Variants in GCGR observed in about 807,000 individuals in gnomAD.
GCGR encodes the protein glucagon receptor.
GCGR carries 41 observed loss-of-function variants against 56.1 expected under a neutral mutation model. The ratio of observed to expected loss-of-function variants is 0.73; its 90% CI spans 0.57 to 0.95. The LOEUF (loss-of-function observed/expected upper bound fraction) is 0.95. GCGR is among the 40% of genes least tolerant of loss of function. The pLI, the probability that GCGR is intolerant of heterozygous loss-of-function variation, is 0.00. For missense variants in GCGR, 595 were observed against 638.2 expected, an observed-to-expected ratio of 0.93 and a Z score of 0.73; for synonymous variants, 278 against 271.1, an observed-to-expected ratio of 1.03 and a Z score of -0.25.
Position 81,813,033 on chromosome 17 carries a change from C to T in GCGR, c.1194C>T (p.Val398=), listed in dbSNP as rs2038136769. The change falls in exon 13 of 14, where the codon GTC becomes GTT. Residue 398 remains valine, a synonymous_variant. Transcript: ENST00000400723. This position sits in a 1 kb window ranked among gnomAD's most constrained non-coding sequence, Gnocchi z 5.3. The part of the protein sequence containing the change: ...LSSFQGLLVA[V]LYCFLNKEVQ... ...CTCTCCAGGGCCTGCTGGTGGCTGT[C>T]CTCTACTGCTTCCTCAACAAGGAGG... 1.3e-6 allele frequency: 2 copies of T among 1,536,412 alleles called. No individual in the cohort carries two copies. Among genetic ancestry groups the T allele is most frequent in the Middle Eastern group, 1.7e-4 (1 of 5,806 alleles).
In GCGR at chr17:81,811,699, G is replaced by A. The variant is rs781413720; in HGVS notation, c.706G>A (p.Val236Met). 107 of 1,542,836 alleles carry A rather than the reference G, an allele frequency of 6.9e-5. No homozygotes were observed. Among genetic ancestry groups the A allele is most frequent in the Admixed American group, 3.7e-4 (19 of 51,556 alleles). Reference sequence around the variant, plus strand: ...CGCGGTGTTCATGCAATATGGCATCGTGGCCAACTACTGCTGGCTGCTGGT... The same window carrying A: ...CGCGGTGTTCATGCAATATGGCATCATGGCCAACTACTGCTGGCTGCTGGT... ...VAAVFMQYGI[V>M]ANYCWLLVEG... The change falls in exon 8 of 14, where the codon GTG (valine) becomes ATG (methionine). Residue 236 changes from valine to methionine, a missense_variant. By Grantham distance (21) the Val-to-Met change is conservative (BLOSUM62 1). Coordinates refer to ENST00000400723, the MANE Select transcript of GCGR (RefSeq NM_000160.5). The surrounding 1 kb of genome is among the most constrained non-coding windows in gnomAD (Gnocchi z 5.8).
In GCGR at chr17:81,806,454, G is replaced by C. The variant is rs1156986627; in HGVS notation, c.-178+2205G>C. 6.6e-6 allele frequency among the ~76,000 whole-genome samples: 1 copy of C among 152,178 alleles called. No individual in the cohort carries two copies. The highest frequency in any genetic ancestry group is 6.5e-5 in the Admixed American group (1 of 15,280). On this transcript the variant is annotated intron_variant, in intron 1 of 13. Coordinates refer to ENST00000400723, the MANE Select transcript of GCGR (RefSeq NM_000160.5). This position sits in a 1 kb window ranked among gnomAD's most constrained non-coding sequence, Gnocchi z 6.5. ...TTCCCAACCTTCTGTTGAGGCTGAG[G>C]GGACACAGAGCCCCACTCCTGGGTC...
Position 81,806,753 on chromosome 17 carries a change from C to T in GCGR, c.-177-2089C>T, listed in dbSNP as rs2037973273. On this transcript the variant is annotated intron_variant, in intron 1 of 13. Coordinates refer to ENST00000400723, the MANE Select transcript of GCGR (RefSeq NM_000160.5). The surrounding 1 kb of genome is among the most constrained non-coding windows in gnomAD (Gnocchi z 6.5). Reference sequence around the variant, plus strand: ...GTCATTTTGCCCAGGGAGCTCCTGGCTGGGTGGTCCTCCCCCCAGGGTGAG... The same window carrying T: ...GTCATTTTGCCCAGGGAGCTCCTGGTTGGGTGGTCCTCCCCCCAGGGTGAG... Among the ~76,000 whole-genome samples, 1 of 150,976 alleles carries T rather than the reference C, an allele frequency of 6.6e-6. No homozygotes were observed. The highest frequency in any genetic ancestry group is 2.1e-4 in the South Asian group (1 of 4,752).
chr17:81,813,986 A>C lies in GCGR; in HGVS notation c.*297A>C. ...CCCATGTGCATGGAAATGTCCTCCA[A>C]CAATAAAGAGCTCAAGTGGTCACCG... On this transcript the variant is annotated 3_prime_UTR_variant, in exon 14 of 14. Coordinates refer to ENST00000400723, the MANE Select transcript of GCGR (RefSeq NM_000160.5). The surrounding 1 kb of genome is among the most constrained non-coding windows in gnomAD (Gnocchi z 5.3). 2.2e-6 allele frequency: 1 copy of C among 446,144 alleles called. No homozygotes were observed. The highest frequency in any genetic ancestry group is 4.1e-6 in the Non-Finnish European group (1 of 244,540). The allele number at this position is 446,144 out of a possible 1,614,324, so 27.6% of individuals were successfully genotyped here. A position where few individuals can be genotyped will look rare whatever the true frequency, so the allele number is the denominator to read the frequency against.
At chr17:81,807,575 C>T (rs1296244401) in intron 1 of GCGR, among the ~76,000 whole-genome samples, 2 of 152,216 alleles carry the variant, frequency 1.3e-5, no homozygotes, top group East Asian at 1.9e-4. Flanking sequence ...CATCTCCTTG[C>T]CCCTCTCCCC....
chr17:81,806,473 C>G lies in GCGR; in HGVS notation c.-178+2224C>G, dbSNP rs2037967720. Among the ~76,000 whole-genome samples the G allele has an allele frequency of 6.6e-6, 1 of 152,174 alleles. No homozygotes were observed. Among genetic ancestry groups the G allele is most frequent in the African/African-American group, 2.4e-5 (1 of 41,430 alleles). ...GCTGAGGGGACACAGAGCCCCACTC[C>G]TGGGTCCTGACTGTTTCAAAGAAAG... On this transcript the variant is annotated intron_variant, in intron 1 of 13. Coordinates refer to ENST00000400723, the MANE Select transcript of GCGR (RefSeq NM_000160.5). The surrounding 1 kb of genome is among the most constrained non-coding windows in gnomAD (Gnocchi z 6.5).
Position 81,810,465 on chromosome 17 carries a change from C to T in GCGR, c.164-360C>T. 1 of 393,248 alleles carries T rather than the reference C, an allele frequency of 2.5e-6. No homozygotes were observed. The highest frequency in any genetic ancestry group is 5.4e-5 in the East Asian group (1 of 18,518). The allele number at this position is 393,248 out of a possible 1,614,324, so 24.4% of individuals were successfully genotyped here. On this transcript the variant is annotated intron_variant, in intron 3 of 13. Coordinates refer to ENST00000400723, the MANE Select transcript of GCGR (RefSeq NM_000160.5). The surrounding 1 kb of genome is among the most constrained non-coding windows in gnomAD (Gnocchi z 4.6). ...GAAGGATGAAAATGGCATTGGGGTT[C>T]AGCCCCCAGAGAGGGAGGTGCTGAG...
chr17:81,805,815 C>G (rs1011130834), intron 1 of GCGR, among the ~76,000 whole-genome samples: 5 of 152,164 alleles, frequency 3.3e-5, no homozygotes, highest in African/African-American at 1.2e-4. Flanking sequence ...TCCCACCTAC[C>G]AGCTGTGTCG....
At chr17:81,805,597 GCATTGGGCACCTCGGGAACCCTCC>G (rs1568247194) in intron 1 of GCGR, among the ~76,000 whole-genome samples, 1,187 of 116,916 alleles carry the variant, frequency 0.01, 25 homozygotes, top group African/African-American at 0.038. Context: ...GGGAACCCCC[GCATTGGGCACCTCGGGAACCCTCC>G]CATTGGGCAC....
chr17:81,810,998 C>T lies in GCGR; in HGVS notation c.272-12C>T. ...GGGTGGGGCTGACCCCAGCCTCCCC[C>T]CACACCCCCAGTGCAACACCGCTTC... On this transcript the variant is annotated splice_polypyrimidine_tract_variant and intron_variant, in intron 4 of 13. Coordinates refer to ENST00000400723, the MANE Select transcript of GCGR (RefSeq NM_000160.5). This position sits in a 1 kb window ranked among gnomAD's most constrained non-coding sequence, Gnocchi z 4.6. 6.5e-7 allele frequency: 1 copy of T among 1,535,864 alleles called. No homozygotes were observed. The highest frequency in any genetic ancestry group is 8.7e-7 in the Non-Finnish European group (1 of 1,146,672).
At chr17:81,808,440 C>A (rs2038005838) in intron 1 of GCGR, among the ~76,000 whole-genome samples, 2 of 152,100 alleles carry the variant, frequency 1.3e-5, no homozygotes, top group South Asian at 2.1e-4. Context: ...GGCTCTGCGA[C>A]CCTCAGAGCT....
intron 2 of GCGR, among the ~76,000 whole-genome samples, chr17:81,809,538 C>CTGCCTGT (rs2038044570): frequency 9.5e-6 from 1 of 105,636 alleles, no homozygotes; most frequent in Non-Finnish European, 1.9e-5. Context: ...TGCCTGTCTG[C>CTGCCTGT]CCGTCTGCCT....
rs1349714263 is a variant in GCGR, at chr17:81,810,322, C to T, written c.163+438C>T. ...AGGGCTGGAGGACTCACCCGGGAGG[C>T]AGTGCCTGGGTTCGGATGAGGGAGG... On this transcript the variant is annotated intron_variant, in intron 3 of 13. Transcript: ENST00000400723. The surrounding 1 kb of genome is among the most constrained non-coding windows in gnomAD (Gnocchi z 4.6). The T allele has an allele frequency of 6.1e-6, 2 of 326,866 alleles. No individual in the cohort carries two copies. The highest frequency in any genetic ancestry group is 7.8e-5 in the East Asian group (1 of 12,764). 20.2% of individuals were successfully genotyped at this position (326,866 alleles called of 1,614,324 possible).
In GCGR at chr17:81,808,944, C is replaced by T. The variant is rs188170286; in HGVS notation, c.-75C>T. The T allele has an allele frequency of 9.9e-6, 15 of 1,513,298 alleles. No homozygotes were observed. In the East Asian group the frequency reaches 3.4e-4, roughly 35 times the overall value. The allele number at this position is 1,513,298 out of a possible 1,614,324, so 93.7% of individuals were successfully genotyped here. Reference sequence around the variant, plus strand: ...ACTCAGCTGCCCTCGGAGGAGCGTACACACCCACCAGGACTGCATTGCCCC... The same window carrying T: ...ACTCAGCTGCCCTCGGAGGAGCGTATACACCCACCAGGACTGCATTGCCCC... On this transcript the variant is annotated 5_prime_UTR_variant, in exon 2 of 14. Transcript: ENST00000400723.
At chr17:81,807,987 G>A (rs2037997033) in intron 1 of GCGR, among the ~76,000 whole-genome samples, 1 of 152,204 alleles carries the variant, frequency 6.6e-6, no homozygotes, top group Admixed American at 6.5e-5. Flanking sequence ...CGCCCGCAGT[G>A]CTAACCTCAA....
chr17:81,804,172 G>A lies in GCGR; in HGVS notation c.-255G>A, dbSNP rs1251866608. Reference sequence around the variant, plus strand: ...CCCGATCTGGCAGCGCCGCGAAGACGAGCGGTCACCGGCGCCCGACCCGAG... The same window carrying A: ...CCCGATCTGGCAGCGCCGCGAAGACAAGCGGTCACCGGCGCCCGACCCGAG... On this transcript the variant is annotated 5_prime_UTR_variant, in exon 1 of 14. Coordinates refer to ENST00000400723, the MANE Select transcript of GCGR (RefSeq NM_000160.5). This position sits in a 1 kb window ranked among gnomAD's most constrained non-coding sequence, Gnocchi z 8.2. 2 of 151,394 alleles carry A rather than the reference G, an allele frequency of 1.3e-5. No individual in the cohort carries two copies. The highest frequency in any genetic ancestry group is 3.0e-5 in the Non-Finnish European group (2 of 67,742). The allele number at this position is 151,394 out of a possible 1,614,324, so 9.4% of individuals were successfully genotyped here. A position where few individuals can be genotyped will look rare whatever the true frequency, so the allele number is the denominator to read the frequency against.
In GCGR at chr17:81,813,494, G is replaced by A. The variant is rs571073053; in HGVS notation, c.1239G>A (p.Arg413=). The A allele has an allele frequency of 6.5e-7, 1 of 1,535,362 alleles. No homozygotes were observed. The highest frequency in any genetic ancestry group is 2.4e-5 in the East Asian group (1 of 40,906). ...CCCAGGTGCAGTCGGAGCTGCGGCG[G>A]CGTTGGCACCGCTGGCGCCTGGGCA... ...LNKEVQSELR[R]RWHRWRLGKV... The change falls in exon 14 of 14, where the codon CGG becomes CGA. Residue 413 remains arginine (R), a synonymous_variant. Coordinates refer to ENST00000400723, the MANE Select transcript of GCGR (RefSeq NM_000160.5). The surrounding 1 kb of genome is among the most constrained non-coding windows in gnomAD (Gnocchi z 5.3).
Position 81,806,562 on chromosome 17 carries a change from G to A in GCGR, c.-177-2280G>A, listed in dbSNP as rs1310858046. On this transcript the variant is annotated intron_variant, in intron 1 of 13. Transcript: ENST00000400723. The surrounding 1 kb of genome is among the most constrained non-coding windows in gnomAD (Gnocchi z 6.5). Reference sequence around the variant, plus strand: ...CTGGGGTCTCCAGACTGGCTGCCCGGCTGGAAGGTGGGGCCCTGGCACGCG... The same window carrying A: ...CTGGGGTCTCCAGACTGGCTGCCCGACTGGAAGGTGGGGCCCTGGCACGCG... 1.3e-5 allele frequency among the ~76,000 whole-genome samples: 2 copies of A among 152,196 alleles called. No individual in the cohort carries two copies. Among genetic ancestry groups the A allele is most frequent in the African/African-American group, 4.8e-5 (2 of 41,440 alleles).
rs1168514027 is a variant in GCGR at position 81,812,970 on chromosome 17, C to T, written c.1176+25C>T. 1.3e-6 allele frequency: 2 copies of T among 1,535,960 alleles called. No individual in the cohort carries two copies. Among genetic ancestry groups the T allele is most frequent in the Admixed American group, 3.9e-5 (2 of 50,980 alleles). ...GGTGCCCGCCCGCCCGCCGGCTCCC[C>T]CGCCCGGGGCGCAGTGTGCCACCCC... On this transcript the variant is annotated intron_variant, in intron 12 of 13. Transcript: ENST00000400723. This position sits in a 1 kb window ranked among gnomAD's most constrained non-coding sequence, Gnocchi z 8.5.
Sources: allele counts gnomAD v4.1 joint callset (sites outside exome capture counted in the v4.1 genomes callset), GRCh38; gene constraint gnomAD v4.1.1; non-coding constraint Gnocchi (gnomAD v3.1); transcripts MANE v1.5; gene names NCBI Gene and HGNC (gene_info 2026-07-23, HGNC 2026-07-21).